Variants in GEN1 observed in about 807,000 individuals in gnomAD.
GEN1 encodes GEN1 structure-specific endonuclease.
GEN1 carries 64 observed loss-of-function variants against 67.6 expected under a neutral mutation model. The observed-to-expected ratio is 0.95, with a 90% CI of 0.77 to 1.17. The LOEUF (loss-of-function observed/expected upper bound fraction) is 1.17. Ranked by LOEUF, GEN1 falls within the 50% of genes most tolerant of loss-of-function variation. GEN1 has a pLI of 0.00. For missense variants in GEN1, 1,058 were observed against 1,048.3 expected, an observed-to-expected ratio of 1.01 and a Z score of -0.13; for synonymous variants, 371 against 359.4, an observed-to-expected ratio of 1.03 and a Z score of -0.37.
At chr2:17,774,082 G>T (rs930090454) in intron 10 of GEN1, among the ~76,000 whole-genome samples, 189 bp from the exon 11 acceptor site, 1 of 151,932 alleles carries the variant, frequency 6.6e-6, no homozygotes, top group Non-Finnish European at 1.5e-5. Flanking sequence ...CGTTCAAACC[G>T]AGAGCCTTCA....
rs1395938868 is a variant in GEN1 at position 17,778,382 on chromosome 2, ATG to A, written c.1264+325_1264+326del. ...CATATATGTATATACACACACATAT[ATG>A]TGTGTACATATATGTATATACACAC... On this transcript the variant is annotated intron_variant, in intron 12 of 13. Coordinates refer to ENST00000381254, the MANE Select transcript of GEN1 (RefSeq NM_001130009.3). Among the ~76,000 whole-genome samples the A allele has an allele frequency of 1.0e-4, 4 of 38,388 alleles. 1 individual carries two copies. The highest frequency in any genetic ancestry group is 7.3e-4 in the Admixed American group (2 of 2,744). The allele number at this position is 38,388 out of a possible 152,430, so 25.2% of individuals were successfully genotyped here.
In GEN1 at chr2:17,784,132, C is replaced by T. The variant is rs377700155; in HGVS notation, c.*2193C>T. On this transcript the variant is annotated 3_prime_UTR_variant, in exon 14 of 14. Coordinates refer to ENST00000381254, the MANE Select transcript of GEN1 (RefSeq NM_001130009.3). ...GTATCTTGGTGGTATATAAAGAACT[C>T]GTAACTCAATTATAAAAAGACAACT... is the stretch of plus-strand genomic sequence containing the variant. 42 of 151,642 alleles carry T rather than the reference C, an allele frequency of 2.8e-4. No individual in the cohort carries two copies. Among genetic ancestry groups the T allele is most frequent in the African/African-American group, 8.7e-4 (36 of 41,374 alleles). 9.4% of individuals were successfully genotyped at this position (151,642 alleles called of 1,614,324 possible). A position where few individuals can be genotyped will look rare whatever the true frequency, so the allele number is the denominator to read the frequency against.
At chr2:17,766,552 A>G (rs1671942890) in intron 4 of GEN1, 27 bp from the exon 5 acceptor site, 2 of 1,193,950 alleles carry the variant, frequency 1.7e-6, no homozygotes, top group Non-Finnish European at 2.5e-6. Flanking sequence ...CTTTTTGAGG[A>G]TTAAACTAAA....
At chr2:17,765,948 AAT>A (rs10607623) in intron 4 of GEN1, among the ~76,000 whole-genome samples, 82,008 of 148,872 alleles carry the variant, frequency 0.55, 23,202 homozygotes, top group East Asian at 0.95. Context: ...TACTTTCTAT[AAT>A]ATATATATAT....
Position 17,781,527 on chromosome 2 carries a change from A to G in GEN1, c.2315A>G (p.Asn772Ser), listed in dbSNP as rs769921818. Residue 772 changes from asparagine (N) to serine (S), a missense_variant, in exon 14 of 14, where the codon AAT (asparagine) becomes AGT (serine). Asn to Ser is a conservative substitution (Grantham distance 46, BLOSUM62 1). Coordinates refer to ENST00000381254, the MANE Select transcript of GEN1 (RefSeq NM_001130009.3). ...AAGACCTGCAATGTTAGACCACCAA[A>G]TACTGCTTTAGATCATAGTAGAAAA... ...VVKTCNVRPP[N>S]TALDHSRKVD... is the part of the protein sequence containing the mutation. The G allele has an allele frequency of 1.9e-6, 3 of 1,613,772 alleles. No individual in the cohort carries two copies. Among genetic ancestry groups the G allele is most frequent in the Admixed American group, 1.7e-5 (1 of 60,018 alleles).
In GEN1 at chr2:17,783,913, G is replaced by A. The variant is rs765202988; in HGVS notation, c.*1974G>A. The A allele has an allele frequency of 5.3e-5, 8 of 152,156 alleles. No homozygotes were observed. Among genetic ancestry groups the A allele is most frequent in the Non-Finnish European group, 8.8e-5 (6 of 68,018 alleles). 9.4% of individuals were successfully genotyped at this position (152,156 alleles called of 1,614,324 possible). ...AAAACTCTTAGAAGAAAACATAGAC[G>A]TAAATCTTTGTGACTTTGGATTAGG... On this transcript the variant is annotated 3_prime_UTR_variant, in exon 14 of 14. Transcript: ENST00000381254.
chr2:17,773,531 A>G (rs758940596), intron 10 of GEN1, among the ~76,000 whole-genome samples: 7 of 152,102 alleles, frequency 4.6e-5, no homozygotes, highest in Non-Finnish European at 7.4e-5. Flanking sequence ...GCATATGTGG[A>G]TATATTGCAT....
In GEN1 at chr2:17,781,816, A is replaced by G. The variant is rs776410983; in HGVS notation, c.2604A>G (p.Pro868=). Residue 868 remains proline, a synonymous_variant, in exon 14 of 14, where the codon CCA becomes CCG. Coordinates refer to ENST00000381254, the MANE Select transcript of GEN1 (RefSeq NM_001130009.3). ...CTGAAAATGAAGAAAGCTGTTTCCC[A>G]GATTCAACAAAAAGTTCTCTGAGTT... ...ETAENEESCF[P]DSTKSSLSSL... is the part of the protein sequence containing the mutation. 4 of 1,612,434 alleles carry G rather than the reference A, an allele frequency of 2.5e-6. No homozygotes were observed. In the East Asian group the frequency reaches 6.7e-5, roughly 27 times the overall value.
rs1338513847 is a variant in GEN1, at chr2:17,784,401, G to A, written c.*2462G>A. ...GGGCAGCCACTTTGGAAAAAGTCTG[G>A]TAGTTCTTCAAATGGTTAAATGTAG... On this transcript the variant is annotated 3_prime_UTR_variant, in exon 14 of 14. Coordinates refer to ENST00000381254, the MANE Select transcript of GEN1 (RefSeq NM_001130009.3). 3 of 152,154 alleles carry A rather than the reference G, an allele frequency of 2.0e-5. No individual in the cohort carries two copies. Among genetic ancestry groups the A allele is most frequent in the East Asian group, 1.9e-4 (1 of 5,200 alleles). 9.4% of individuals were successfully genotyped at this position (152,154 alleles called of 1,614,324 possible).
intron 6 of GEN1, among the ~76,000 whole-genome samples, chr2:17,769,765 C>A (rs1672100981): frequency 6.6e-6 from 1 of 152,042 alleles, no homozygotes; most frequent in Non-Finnish European, 1.5e-5. Context: ...CTCAAAAACA[C>A]ATGAATTATA....
chr2:17,771,101 A>G (rs778631440), intron 6 of GEN1, 95 bp from the exon 7 acceptor site: 4 of 760,904 alleles, frequency 5.3e-6, no homozygotes, highest in South Asian at 2.8e-5. Flanking sequence ...ATAATTAGGT[A>G]GGTGAAAGGG....
rs1210457195 is a variant in GEN1 at position 17,764,947 on chromosome 2, G to T, written c.399G>T (p.Gly133=). 6.2e-7 allele frequency: 1 copy of T among 1,614,124 alleles called. No homozygotes were observed. Among genetic ancestry groups the T allele is most frequent in the Non-Finnish European group, 8.5e-7 (1 of 1,180,012 alleles). ...CLGIPWVQAA[G]EAEAMCAYLN... is the part of the protein sequence containing the mutation. ...GAATCCCCTGGGTTCAGGCTGCTGG[G>T]GAAGCTGAAGCCATGTGTGCTTATC... The change falls in exon 4 of 14, where the codon GGG becomes GGT. Residue 133 remains glycine (G), a synonymous_variant. Coordinates refer to ENST00000381254, the MANE Select transcript of GEN1 (RefSeq NM_001130009.3).
intron 1 of GEN1, among the ~76,000 whole-genome samples, chr2:17,757,130 A>G (rs1671466290): frequency 6.6e-6 from 1 of 152,218 alleles, no homozygotes; most frequent in Non-Finnish European, 1.5e-5. Context: ...AAGAAATGAA[A>G]TAATAAAAAC....
At chr2:17,770,298 T>C (rs1014954846) in intron 6 of GEN1, among the ~76,000 whole-genome samples, 2 of 152,206 alleles carry the variant, frequency 1.3e-5, no homozygotes, top group African/African-American at 2.4e-5. Flanking sequence ...TGACTTTTCC[T>C]CTCAGTTATT....
intron 11 of GEN1, among the ~76,000 whole-genome samples, chr2:17,776,515 A>G (rs920377311): frequency 3.9e-5 from 6 of 152,346 alleles, no homozygotes; most frequent in African/African-American, 1.2e-4. Flanking sequence ...GAGAAAGCAA[A>G]TGTGATAAAA....
At chr2:17,775,790 A>T (rs1426619769) in intron 11 of GEN1, among the ~76,000 whole-genome samples, 1 of 152,226 alleles carries the variant, frequency 6.6e-6, no homozygotes, top group Non-Finnish European at 1.5e-5. Flanking sequence ...ATGCTTTCTA[A>T]TACGTTAAAC....
upstream of GEN1, among the ~76,000 whole-genome samples, chr2:17,753,410 T>A (rs1375842824): frequency 9.0e-6 from 1 of 111,596 alleles, no homozygotes; most frequent in Admixed American, 8.1e-5. Context: ...AGGAGACCGG[T>A]GCCGCCTCGG....
chr2:17,771,493 T>A (rs1021818259), intron 7 of GEN1, among the ~76,000 whole-genome samples: 1 of 152,182 alleles, frequency 6.6e-6, no homozygotes, highest in Non-Finnish European at 1.5e-5. Context: ...AATAATGTGA[T>A]GTAGATGATA....
intron 2 of GEN1, 27 bp from the exon 3 acceptor site, chr2:17,761,369 A>G (rs1375694317): frequency 8.0e-7 from 1 of 1,249,182 alleles, no homozygotes; most frequent in South Asian, 1.3e-5. Context: ...TTTGATGATT[A>G]ATGTATTACT....
Sources: gnomAD v4.1 joint callset for allele counts (sites outside exome capture counted in the v4.1 genomes callset) on GRCh38, gnomAD v4.1.1 for gene constraint, MANE v1.5 for transcripts, NCBI Gene and HGNC (gene_info 2026-07-23, HGNC 2026-07-21) for gene names.